The following RASGRF1 variants were observed in gnomAD, a reference collection of about 807,000 sequenced individuals.
The protein encoded by RASGRF1 is Ras protein specific guanine nucleotide releasing factor 1, also known as ras-specific guanine nucleotide-releasing factor 1.
In RASGRF1, 40 loss-of-function variants were observed where a neutral mutation model predicts 138.7. The ratio of observed to expected loss-of-function variants is 0.29; its 90% CI spans 0.22 to 0.38. The LOEUF (loss-of-function observed/expected upper bound fraction) is 0.38. Ranked by LOEUF, RASGRF1 falls within the 10% of genes least tolerant of loss-of-function variation. RASGRF1 has a pLI of 1.00. For synonymous variants in RASGRF1, 614 were observed against 663.2 expected, an observed-to-expected ratio of 0.93 and a Z score of 1.14; for missense variants, 1,108 against 1,650.4, an observed-to-expected ratio of 0.67 and a Z score of 5.69.
At chr15:79,078,030 C>T (rs1566970247) in intron 1 of RASGRF1, among the ~76,000 whole-genome samples, 3 of 152,164 alleles carry the variant, frequency 2.0e-5, no homozygotes, top group Non-Finnish European at 4.4e-5. Flanking sequence ...TCCTCCTCCC[C>T]GCCATCATTG....
intron 5 of RASGRF1, among the ~76,000 whole-genome samples, chr15:79,041,556 T>A (rs1046012033): frequency 1.3e-5 from 2 of 152,084 alleles, no homozygotes; most frequent in African/African-American, 4.8e-5. Context: ...GGACATGGCA[T>A]CCAAGGAAAG....
intron 24 of RASGRF1, among the ~76,000 whole-genome samples, chr15:78,974,545 G>A (rs1470263451): frequency 3.9e-5 from 6 of 152,240 alleles, no homozygotes; most frequent in Non-Finnish European, 7.3e-5. Context: ...AGCTAAGACA[G>A]TTTTAGGTGG....
At chr15:79,029,849 C>T (rs7167515) in intron 8 of RASGRF1, among the ~76,000 whole-genome samples, 103,541 of 152,004 alleles carry the variant, frequency 0.68, 38,270 homozygotes, top group Non-Finnish European at 0.82. Flanking sequence ...CCTAGGATCC[C>T]GGGGATAAGG....
intron 1 of RASGRF1, among the ~76,000 whole-genome samples, chr15:79,087,563 T>A (rs1398882786): frequency 6.6e-6 from 1 of 152,232 alleles, no homozygotes; most frequent in African/African-American, 2.4e-5. Flanking sequence ...TCAGGCACTC[T>A]GTACATGCCC....
intron 22 of RASGRF1, among the ~76,000 whole-genome samples, chr15:78,989,070 G>C (rs944480797): frequency 6.6e-6 from 1 of 152,124 alleles, no homozygotes; most frequent in Non-Finnish European, 1.5e-5. Flanking sequence ...CCCGGTTAGG[G>C]GGCAGTGGAT....
At chr15:79,033,657 T>G (rs2057176860) in intron 6 of RASGRF1, among the ~76,000 whole-genome samples, 2 of 141,218 alleles carry the variant, frequency 1.4e-5, no homozygotes, top group Admixed American at 1.5e-4. Context: ...TAGTGAGATC[T>G]CGGCTCACTG....
chr15:79,082,719 C>T (rs2057929568), intron 1 of RASGRF1, among the ~76,000 whole-genome samples: 1 of 152,196 alleles, frequency 6.6e-6, no homozygotes, highest in Non-Finnish European at 1.5e-5. Context: ...GATTTGTCCA[C>T]AGGGATGAAG....
rs1347748012 is a variant in RASGRF1, at chr15:79,075,990, C to A, written c.277-11464G>T. ...CATTAATTCAACCAGTATTTAGCCCCCACTAGAAGCCAGACATAGTTCACT... is the reference window on the plus strand; with the variant it reads ...CATTAATTCAACCAGTATTTAGCCCACACTAGAAGCCAGACATAGTTCACT... On this transcript the variant is annotated intron_variant, in intron 1 of 26. Coordinates refer to ENST00000558480, the MANE Select transcript of RASGRF1 (RefSeq NM_001145648.3). Among the ~76,000 whole-genome samples the A allele has an allele frequency of 2.0e-5, 3 of 152,196 alleles. No individual in the cohort carries two copies. In the South Asian group the frequency reaches 6.2e-4, roughly 31 times the overall value.
chr15:78,962,947 TAC>T (rs1446594694), intron 26 of RASGRF1, among the ~76,000 whole-genome samples: 1 of 152,120 alleles, frequency 6.6e-6, no homozygotes, highest in African/African-American at 2.4e-5. Flanking sequence ...ACGCTAGGAT[TAC>T]ATGGTACTGT....
At position 79,032,792 on chromosome 15, in the gene RASGRF1, G is replaced by A. The variant is rs1268315687; in HGVS notation, c.959-476C>T. ...TTCTCCAGAGCTTCCTGTGGGGTCG[G>A]CTGAGGCTTCTGTTGCAGCTGGAAG... On this transcript the variant is annotated intron_variant, in intron 6 of 26. Transcript: ENST00000558480. The surrounding 1 kb of genome is among the most constrained non-coding windows in gnomAD (Gnocchi z 4.5). 6.6e-6 allele frequency among the ~76,000 whole-genome samples: 1 copy of A among 152,214 alleles called. No homozygotes were observed. Among genetic ancestry groups the A allele is most frequent in the Non-Finnish European group, 1.5e-5 (1 of 68,036 alleles).
At position 78,998,594 on chromosome 15, in the gene RASGRF1, CCTTCTGCTGCCCCA is replaced by C. The variant is rs1192185638; in HGVS notation, c.2853+111_2853+124del. 4 of 788,258 alleles carry C rather than the reference CCTTCTGCTGCCCCA, an allele frequency of 5.1e-6. No homozygotes were observed. The African/African-American group carries it at 6.7e-5, about 13-fold the overall frequency. 48.8% of individuals were successfully genotyped at this position (788,258 alleles called of 1,614,324 possible). On this transcript the variant is annotated intron_variant, in intron 18 of 26. Coordinates refer to ENST00000558480, the MANE Select transcript of RASGRF1 (RefSeq NM_001145648.3). ...CAGGGTGGCACATTTGAGCTCCCTCCCTTCTGCTGCCCCACTGCCAGCCATCAGCTCACTCTGCC... is the reference window on the plus strand; with the variant it reads ...CAGGGTGGCACATTTGAGCTCCCTCCCTGCCAGCCATCAGCTCACTCTGCC...
At chr15:79,015,243 G>T in intron 13 of RASGRF1, 84 bp downstream of exon 13, 2 of 1,348,064 alleles carry the variant, frequency 1.5e-6, no homozygotes, top group Non-Finnish European at 2.1e-6. Flanking sequence ...CCAGTAGCTG[G>T]CTCATCCCAG....
chr15:79,037,463 AT>A (rs2057237859), intron 5 of RASGRF1, among the ~76,000 whole-genome samples: 1 of 151,460 alleles, frequency 6.6e-6, no homozygotes, highest in African/African-American at 2.4e-5. Flanking sequence ...TATTATTATT[AT>A]TATTATATTT....
chr15:78,960,585 C>A lies in RASGRF1; in HGVS notation c.*1559G>T, dbSNP rs2055530180. 1 of 152,334 alleles carries A rather than the reference C, an allele frequency of 6.6e-6. No individual in the cohort carries two copies. Among genetic ancestry groups the A allele is most frequent in the African/African-American group, 2.4e-5 (1 of 41,458 alleles). 9.4% of individuals were successfully genotyped at this position (152,334 alleles called of 1,614,324 possible). Reference sequence around the variant, plus strand: ...TAGAGCACCACCCGGTCCAGTTGAGCCTTCAGATGACTCCAGTCCCAGTTG... The same window carrying A: ...TAGAGCACCACCCGGTCCAGTTGAGACTTCAGATGACTCCAGTCCCAGTTG... On this transcript the variant is annotated 3_prime_UTR_variant, in exon 27 of 27. Transcript: ENST00000558480.
chr15:79,036,915 G>A (rs1318881622), intron 5 of RASGRF1, among the ~76,000 whole-genome samples: 7 of 152,036 alleles, frequency 4.6e-5, no homozygotes, highest in South Asian at 2.1e-4. Flanking sequence ...GAGAAAGACC[G>A]AAACCAATGC....
intron 16 of RASGRF1, among the ~76,000 whole-genome samples, chr15:79,000,873 A>G (rs1214218422): frequency 6.6e-6 from 1 of 152,088 alleles, no homozygotes; most frequent in Non-Finnish European, 1.5e-5. Context: ...CCTGTTACCT[A>G]TTGGGTTCCT....
intron 3 of RASGRF1, among the ~76,000 whole-genome samples, chr15:79,056,062 G>A (rs1399115511): frequency 6.6e-6 from 1 of 152,208 alleles, no homozygotes; most frequent in Non-Finnish European, 1.5e-5. Context: ...CACCCTCTGA[G>A]GCAGGGGTCC....
intron 1 of RASGRF1, among the ~76,000 whole-genome samples, chr15:79,076,505 G>A (rs1419852719): frequency 6.6e-6 from 1 of 152,226 alleles, no homozygotes; most frequent in Non-Finnish European, 1.5e-5. Context: ...ATGCACCAGG[G>A]TTCACCCATC....
At chr15:79,002,996 T>A (rs1307024612) in intron 15 of RASGRF1, among the ~76,000 whole-genome samples, 1 of 152,134 alleles carries the variant, frequency 6.6e-6, no homozygotes, top group Non-Finnish European at 1.5e-5. Flanking sequence ...GCACCCAAGA[T>A]GTGGCCTGTT....
Sources: gnomAD v4.1 joint callset for allele counts (sites outside exome capture counted in the v4.1 genomes callset) on GRCh38, gnomAD v4.1.1 for gene constraint, Gnocchi (gnomAD v3.1) non-coding constraint, MANE v1.5 for transcripts, NCBI Gene and HGNC (gene_info 2026-07-23, HGNC 2026-07-21) for gene names.